Variants in SYNPR observed in about 807,000 individuals in gnomAD.
SYNPR encodes synaptoporin.
Under a neutral mutation model 32.9 loss-of-function variants are expected in SYNPR, and 23 were observed. The observed-to-expected ratio is 0.70, with a 90% CI of 0.50 to 0.99. The LOEUF (loss-of-function observed/expected upper bound fraction) is 0.99. Among genes scored for constraint, SYNPR ranks in the 50% least tolerant of loss-of-function variants. The pLI, the probability that SYNPR is intolerant of heterozygous loss-of-function variation, is 0.00. For synonymous variants in SYNPR, 146 were observed against 135.9 expected (o/e 1.07, Z -0.52); for missense variants, 318 against 349.3 (o/e 0.91, Z 0.71).
the SYNPR span, among the ~76,000 whole-genome samples, chr3:63,211,885 G>A: frequency 9.5e-6 from 1 of 105,278 alleles, no homozygotes; most frequent in Non-Finnish European, 1.9e-5. Flanking sequence ...ACAGTCCCCA[G>A]AGTGTGATAT....
chr3:63,239,058 T>C (rs1189737960), intron 1 of SYNPR, among the ~76,000 whole-genome samples: 2 of 152,158 alleles, frequency 1.3e-5, no homozygotes, highest in East Asian at 3.9e-4. Flanking sequence ...TTCATCTTCC[T>C]ATGGAGCTGA....
intron 3 of SYNPR, among the ~76,000 whole-genome samples, chr3:63,485,861 A>G (rs1363273131): frequency 2.6e-5 from 4 of 152,236 alleles, no homozygotes; most frequent in African/African-American, 9.6e-5. Context: ...TTTACAATAA[A>G]AAATAAAGTA....
chr3:63,255,403 T>C lies in SYNPR; in HGVS notation n.154+2817T>C, dbSNP rs1467749215. Reference sequence around the variant, plus strand: ...CCTAGAAAGACGGTATCCCTGGGCCTGCCATGTCAGGCCTTGAACCAGTTA... The same window carrying C: ...CCTAGAAAGACGGTATCCCTGGGCCCGCCATGTCAGGCCTTGAACCAGTTA... On this transcript the variant is annotated intron_variant and non_coding_transcript_variant, in intron 2 of 4. Transcript: ENST00000478456. Among the ~76,000 whole-genome samples the C allele has an allele frequency of 2.0e-5, 3 of 152,174 alleles. No homozygotes were observed. The South Asian group carries it at 6.2e-4, about 32-fold the overall frequency.
chr3:63,222,011 A>ATTTTTTTTTT, the SYNPR span, among the ~76,000 whole-genome samples: 278 of 56,378 alleles, frequency 4.9e-3, 45 homozygotes, highest in East Asian at 0.014. Flanking sequence ...GCCATGCTCA[A>ATTTTTTTTTT]TTTTTTTTTT....
In SYNPR at chr3:63,382,840, C is replaced by T. The variant is rs576797707; in HGVS notation, c.85-97992C>T. Among the ~76,000 whole-genome samples the T allele has an allele frequency of 8.5e-5, 13 of 152,260 alleles. 1 individual carries two copies. The highest frequency in any genetic ancestry group is 3.1e-4 in the African/African-American group (13 of 41,560). On this transcript the variant is annotated intron_variant, in intron 2 of 5. Transcript: ENST00000478300. The stretch of plus-strand genomic sequence containing the variant: ...ACTTTCCCACCTCTTGCCTTTTTCT[C>T]ATTTACTTATTGAAGAGAGGAGGGG...
At chr3:63,614,566 A>G (rs1421274658) in intron 5 of SYNPR, among the ~76,000 whole-genome samples, 5 of 152,228 alleles carry the variant, frequency 3.3e-5, no homozygotes, top group African/African-American at 1.2e-4. Context: ...TGTGAGAGGC[A>G]CAGAAAGTGC....
At chr3:63,505,881 G>C (rs975289584) in intron 3 of SYNPR, among the ~76,000 whole-genome samples, 1 of 152,018 alleles carries the variant, frequency 6.6e-6, no homozygotes, top group Admixed American at 6.6e-5. Flanking sequence ...AATGCCTTAT[G>C]AAGGGCCTTC....
the SYNPR span, among the ~76,000 whole-genome samples, chr3:63,202,896 C>A: frequency 1.3e-5 from 2 of 151,796 alleles, no homozygotes; most frequent in African/African-American, 4.8e-5. Flanking sequence ...TTTCTTGGAA[C>A]ACAGTTTGGG....
chr3:63,534,755 T>C (rs1010989803), intron 3 of SYNPR, among the ~76,000 whole-genome samples: 2 of 152,102 alleles, frequency 1.3e-5, no homozygotes, highest in Non-Finnish European at 2.9e-5. Flanking sequence ...GACCACTGTG[T>C]ATGATGAGGT....
At chr3:63,563,711 T>C (rs1702734312) in intron 4 of SYNPR, among the ~76,000 whole-genome samples, 2 of 152,116 alleles carry the variant, frequency 1.3e-5, no homozygotes, top group African/African-American at 4.8e-5. Flanking sequence ...TAAAAGCATT[T>C]AGTCTGCTGA....
chr3:63,355,039 G>T (rs930707373), intron 2 of SYNPR, among the ~76,000 whole-genome samples: 1 of 152,310 alleles, frequency 6.6e-6, no homozygotes, highest in Non-Finnish European at 1.5e-5. Context: ...AGCACTTTGG[G>T]AGGCCAAGGC....
intron 4 of SYNPR, among the ~76,000 whole-genome samples, chr3:63,585,425 A>G (rs1409609418): frequency 6.8e-6 from 1 of 147,640 alleles, no homozygotes; most frequent in Non-Finnish European, 1.5e-5. Flanking sequence ...CATTTCAGTC[A>G]CATGTTTCCT....
At chr3:63,364,007 T>A (rs1375806788) in intron 2 of SYNPR, among the ~76,000 whole-genome samples, 1 of 152,206 alleles carries the variant, frequency 6.6e-6, no homozygotes, top group African/African-American at 2.4e-5. Context: ...ACGATGCAGA[T>A]CCCCTGATGT....
At chr3:63,511,166 C>G (rs1287953008) in intron 3 of SYNPR, among the ~76,000 whole-genome samples, 1 of 151,780 alleles carries the variant, frequency 6.6e-6, no homozygotes, top group Admixed American at 6.6e-5. Flanking sequence ...GAATCATGGG[C>G]CTAGAAAGGC....
chr3:63,461,852 G>A (rs570966735), intron 2 of SYNPR, among the ~76,000 whole-genome samples: 109 of 152,108 alleles, frequency 7.2e-4, no homozygotes, highest in African/African-American at 2.5e-3. Context: ...TGGGAAGATC[G>A]TTTGAGATTA....
chr3:63,393,496 C>T (rs1379452804), intron 2 of SYNPR, among the ~76,000 whole-genome samples: 1,945 of 84,490 alleles, frequency 0.023, 122 homozygotes, highest in African/African-American at 0.086. Flanking sequence ...TCTTTCTTCT[C>T]TTTTTTTTTT....
At chr3:63,254,165 T>C (rs1357467619) in intron 2 of SYNPR, among the ~76,000 whole-genome samples, 1 of 151,968 alleles carries the variant, frequency 6.6e-6, no homozygotes, top group Non-Finnish European at 1.5e-5. Flanking sequence ...CCGGGGCGTG[T>C]TGTGGGGTGG....
At chr3:63,494,468 C>CGTAT (rs1559516441) in intron 3 of SYNPR, among the ~76,000 whole-genome samples, 7 of 84,804 alleles carry the variant, frequency 8.3e-5, no homozygotes, top group Admixed American at 1.3e-4. Context: ...TACATATATA[C>CGTAT]ACATATATAC....
chr3:63,252,414 A>G (rs545168205), intron 1 of SYNPR: 7 of 152,328 alleles, frequency 4.6e-5, no homozygotes, highest in Admixed American at 2.0e-4. Context: ...ATTTCAGAAT[A>G]AAGGATGAAA....
Sources: gnomAD v4.1 joint callset for allele counts (sites outside exome capture counted in the v4.1 genomes callset) on GRCh38, gnomAD v4.1.1 for gene constraint, MANE v1.5 for transcripts, NCBI Gene and HGNC (gene_info 2026-07-23, HGNC 2026-07-21) for gene names.